Variants in EML5 observed in about 807,000 individuals in gnomAD.
EML5 encodes the protein echinoderm microtubule-associated protein-like 5.
A neutral mutation model predicts 250.0 loss-of-function variants in EML5; 120 were observed. That is an observed-to-expected ratio of 0.48 (90% CI 0.41 to 0.56). The LOEUF (loss-of-function observed/expected upper bound fraction) is 0.56, where lower values mean the gene tolerates loss of function less well. Among genes scored for constraint, EML5 ranks in the 20% least tolerant of loss-of-function variants. The pLI is 0.00. For missense variants in EML5, 2,006 were observed against 2,437.6 expected, an observed-to-expected ratio of 0.82 and a Z score of 3.73; for synonymous variants, 771 against 806.5, an observed-to-expected ratio of 0.96 and a Z score of 0.75.
chr14:88,772,222 T>C (rs2094400286), intron 1 of EML5, among the ~76,000 whole-genome samples: 1 of 152,198 alleles, frequency 6.6e-6, no homozygotes, highest in Non-Finnish European at 1.5e-5. Context: ...ATCACCGTCA[T>C]TTCTGCTACA....
intron 21 of EML5, among the ~76,000 whole-genome samples, chr14:88,672,083 A>C (rs2092478055): frequency 6.6e-6 from 1 of 152,192 alleles, no homozygotes; most frequent in Non-Finnish European, 1.5e-5. Flanking sequence ...TCCAACCAAA[A>C]ACAATAGAAT....
intron 27 of EML5, among the ~76,000 whole-genome samples, chr14:88,650,914 T>C (rs915545824): frequency 3.9e-5 from 6 of 152,206 alleles, no homozygotes; most frequent in Non-Finnish European, 7.3e-5. Context: ...AGCACTGAGA[T>C]TGCAGGCATG....
intron 8 of EML5, among the ~76,000 whole-genome samples, chr14:88,715,638 C>A (rs2093478745): frequency 6.6e-6 from 1 of 150,958 alleles, no homozygotes; most frequent in South Asian, 2.1e-4. Context: ...AGGATGAATT[C>A]ATCTATATTA....
At chr14:88,746,373 A>C in intron 2 of EML5, 90 bp from the exon 3 acceptor site, 52 of 1,026,662 alleles carry the variant, frequency 5.1e-5, no homozygotes, top group Middle Eastern at 2.1e-4. Context: ...AATTATACTC[A>C]TGGGTTTTTA....
chr14:88,716,022 G>A (rs1398280726), intron 8 of EML5, among the ~76,000 whole-genome samples: 1 of 152,068 alleles, frequency 6.6e-6, no homozygotes, highest in Non-Finnish European at 1.5e-5. Flanking sequence ...TTTGTGGGCA[G>A]GAGAAGGAGA....
At chr14:88,711,025 AAAC>A (rs1213316259) in intron 10 of EML5, among the ~76,000 whole-genome samples, 2 of 152,226 alleles carry the variant, frequency 1.3e-5, no homozygotes, top group Non-Finnish European at 2.9e-5. Flanking sequence ...TCAGTATGTG[AAAC>A]AGTAAGTAGG....
intron 31 of EML5, among the ~76,000 whole-genome samples, chr14:88,641,065 G>C (rs1445313568): frequency 1.3e-5 from 2 of 151,988 alleles, no homozygotes; most frequent in East Asian, 1.9e-4. Flanking sequence ...GATTGAATCA[G>C]GAAGAAACTG....
At chr14:88,765,600 A>T (rs1426545813) in intron 1 of EML5, among the ~76,000 whole-genome samples, 1 of 152,216 alleles carries the variant, frequency 6.6e-6, no homozygotes, top group Non-Finnish European at 1.5e-5. Context: ...TACTCTCAAT[A>T]TCTTAAGGTA....
At chr14:88,639,911 A>C (rs2140590988) in intron 31 of EML5, among the ~76,000 whole-genome samples, 1 of 152,218 alleles carries the variant, frequency 6.6e-6, no homozygotes, top group South Asian at 2.1e-4. Context: ...AAATAAGTAT[A>C]ATGTGATTCA....
Position 88,661,975 on chromosome 14 carries a change from C to T in EML5, c.3499-145G>A, listed in dbSNP as rs902564471. On this transcript the variant is annotated intron_variant, in intron 24 of 43. Coordinates refer to ENST00000554922, the MANE Select transcript of EML5 (RefSeq NM_183387.3). The stretch of plus-strand genomic sequence containing the variant: ...AAAAAATAGTTAAATTATTAGTTGT[C>T]TTGGTTTTGTAACTCCCCAGAGCCT... 1.6e-5 allele frequency: 13 copies of T among 802,058 alleles called. No individual in the cohort carries two copies. In the Admixed American group the frequency reaches 3.9e-4, roughly 24 times the overall value. The allele number at this position is 802,058 out of a possible 1,614,324, so 49.7% of individuals were successfully genotyped here.
intron 21 of EML5, among the ~76,000 whole-genome samples, chr14:88,667,241 G>A: frequency 6.6e-6 from 1 of 152,126 alleles, no homozygotes; most frequent in Non-Finnish European, 1.5e-5. Context: ...TTTGTTATAT[G>A]TATATCTTTA....
chr14:88,724,799 T>G (rs1191552320), intron 8 of EML5, among the ~76,000 whole-genome samples: 1 of 152,146 alleles, frequency 6.6e-6, no homozygotes, highest in African/African-American at 2.4e-5. Flanking sequence ...CCTGCAAAAC[T>G]GAAGAGCAGC....
At chr14:88,655,902 C>T (rs938714415) in intron 27 of EML5, among the ~76,000 whole-genome samples, 9 of 152,064 alleles carry the variant, frequency 5.9e-5, no homozygotes, top group African/African-American at 1.7e-4. Context: ...AAATGCAAAT[C>T]GAAACCACAA....
chr14:88,646,900 C>A, intron 29 of EML5, 47 bp downstream of exon 29: 3 of 1,572,342 alleles, frequency 1.9e-6, no homozygotes, highest in South Asian at 1.2e-5. Flanking sequence ...TGGAAGATGA[C>A]AAAAATACAA....
In EML5 at chr14:88,706,280, C is replaced by A; in HGVS notation, c.1804G>T (p.Ala602Ser). ...TCACCTTGGGGTGCTATGTGAACAG[C>A]ATCTTTCAGTTTTCTTTCAGGAATA... ...KFIPERKLKD[A>S]VHIAPQESLA... The change falls in exon 11 of 44, where the codon GCT becomes TCT. Residue 602 changes from alanine (A) to serine (S), a missense_variant. Physicochemically the swap from Ala to Ser is moderately conservative, Grantham distance 99 (BLOSUM62 1). Coordinates refer to ENST00000554922, the MANE Select transcript of EML5 (RefSeq NM_183387.3). 1 of 1,608,534 alleles carries A rather than the reference C, an allele frequency of 6.2e-7. No individual in the cohort carries two copies. The highest frequency in any genetic ancestry group is 8.5e-7 in the Non-Finnish European group (1 of 1,177,692).
intron 1 of EML5, among the ~76,000 whole-genome samples, chr14:88,763,930 A>T (rs1172539124): frequency 6.6e-6 from 1 of 152,170 alleles, no homozygotes; most frequent in African/African-American, 2.4e-5. Context: ...CTAGTTTGCT[A>T]AGCATTTTAA....
At chr14:88,633,411 C>T (rs1339072514) in intron 33 of EML5, among the ~76,000 whole-genome samples, 1 of 151,856 alleles carries the variant, frequency 6.6e-6, no homozygotes, top group East Asian at 2.0e-4. Context: ...CCACTATACC[C>T]CACCTGTCAT....
At chr14:88,646,994 A>G (rs2140728077) in intron 28 of EML5, 39 bp from the exon 29 acceptor site, 1 of 1,578,344 alleles carries the variant, frequency 6.3e-7, no homozygotes, top group East Asian at 2.2e-5. Context: ...AGATTACAAC[A>G]TAAATTTGAA....
At chr14:88,648,889 A>C (rs1336694689) in intron 28 of EML5, among the ~76,000 whole-genome samples, 1 of 152,018 alleles carries the variant, frequency 6.6e-6, no homozygotes. Context: ...TGTACACACC[A>C]CTCTGCTTAA....
Sources: gnomAD v4.1 joint callset for allele counts (sites outside exome capture counted in the v4.1 genomes callset) on GRCh38, gnomAD v4.1.1 for gene constraint, MANE v1.5 for transcripts, NCBI Gene and HGNC (gene_info 2026-07-23, HGNC 2026-07-21) for gene names.